TMEM132D: variants seen among roughly 807,000 people sequenced by gnomAD.
TMEM132D encodes the protein transmembrane protein 132D.
In TMEM132D, 21 loss-of-function variants were observed where a neutral mutation model predicts 62.3. The ratio of observed to expected loss-of-function variants is 0.34; its 90% CI spans 0.24 to 0.49. The LOEUF (loss-of-function observed/expected upper bound fraction) is 0.49. Among genes scored for constraint, TMEM132D ranks in the 20% least tolerant of loss-of-function variants. The probability of loss-of-function intolerance (pLI) is 0.99; values close to 1 mark genes in which losing one functional copy is unlikely to be tolerated. For synonymous variants in TMEM132D, 621 were observed against 575.6 expected (o/e 1.08, Z -1.13); for missense variants, 1,346 against 1,402.8 (o/e 0.96, Z 0.65).
chr12:129,760,381 G>A (rs956560152), intron 1 of TMEM132D, among the ~76,000 whole-genome samples: 3 of 133,740 alleles, frequency 2.2e-5, no homozygotes, highest in Admixed American at 8.7e-5. Flanking sequence ...GCCCAGGCTA[G>A]AGTGCAGTGG....
At chr12:129,796,331 AT>A (rs1456898056) in intron 1 of TMEM132D, among the ~76,000 whole-genome samples, 3 of 151,964 alleles carry the variant, frequency 2.0e-5, no homozygotes. Context: ...TTTTGTTTTT[AT>A]TTTTTAAAAA....
At chr12:129,283,278 G>T (rs921394683) in intron 4 of TMEM132D, among the ~76,000 whole-genome samples, 1 of 152,162 alleles carries the variant, frequency 6.6e-6, no homozygotes, top group African/African-American at 2.4e-5. Flanking sequence ...TGCAACCTCT[G>T]CCTCCCAGGT....
chr12:129,424,707 C>CAAAAAA (rs11385383), intron 3 of TMEM132D, among the ~76,000 whole-genome samples: 12 of 31,790 alleles, frequency 3.8e-4, no homozygotes, highest in Admixed American at 4.1e-4. Context: ...GACTCCATCT[C>CAAAAAA]AAAAAAAAAA....
At chr12:129,351,417 G>A (rs562297196) in intron 3 of TMEM132D, among the ~76,000 whole-genome samples, 4 of 152,246 alleles carry the variant, frequency 2.6e-5, no homozygotes, top group East Asian at 3.9e-4. Flanking sequence ...AATAATACAC[G>A]CCCTGGCCGT....
intron 3 of TMEM132D, among the ~76,000 whole-genome samples, chr12:129,351,413 A>G (rs1430538589): frequency 1.3e-5 from 2 of 152,158 alleles, no homozygotes; most frequent in Non-Finnish European, 2.9e-5. Flanking sequence ...TTTCAATAAT[A>G]CACGCCCTGG....
chr12:129,379,322 A>G lies in TMEM132D; in HGVS notation c.1116-41505T>C, dbSNP rs1870870994. On this transcript the variant is annotated intron_variant, in intron 3 of 8. Coordinates refer to ENST00000422113, the MANE Select transcript of TMEM132D (RefSeq NM_133448.3). ...GTGTTTACAGCAGTGCCTGTCTCCT[A>G]GGAGACAGCAACCACTAATGAACTA... 2.6e-5 allele frequency among the ~76,000 whole-genome samples: 4 copies of G among 152,196 alleles called. No homozygotes were observed. In the South Asian group the frequency reaches 6.2e-4, roughly 24 times the overall value.
chr12:129,441,668 C>A (rs1286438069), intron 3 of TMEM132D, among the ~76,000 whole-genome samples: 2 of 152,146 alleles, frequency 1.3e-5, no homozygotes, highest in African/African-American at 4.8e-5. Context: ...AGTTGTTCTA[C>A]CAAAAAGAGC....
At chr12:129,470,186 G>T (rs749868842) in intron 3 of TMEM132D, among the ~76,000 whole-genome samples, 2 of 152,196 alleles carry the variant, frequency 1.3e-5, no homozygotes, top group East Asian at 1.9e-4. Flanking sequence ...CTATAAAAGC[G>T]ATTTGTTTTG....
At chr12:129,555,835 T>C (rs1435919202) in intron 2 of TMEM132D, among the ~76,000 whole-genome samples, 2 of 152,226 alleles carry the variant, frequency 1.3e-5, no homozygotes, top group Admixed American at 6.5e-5. Context: ...AAAACCGTAA[T>C]TGCTTTTGCA....
intron 5 of TMEM132D, among the ~76,000 whole-genome samples, chr12:129,092,392 C>T (rs1305176298): frequency 6.7e-6 from 1 of 149,566 alleles, no homozygotes; most frequent in Non-Finnish European, 1.5e-5. Flanking sequence ...AGTAGACATC[C>T]TACAGGAATG....
intron 2 of TMEM132D, among the ~76,000 whole-genome samples, chr12:129,600,842 T>C (rs1245273187): frequency 6.6e-6 from 1 of 152,164 alleles, no homozygotes; most frequent in Non-Finnish European, 1.5e-5. Flanking sequence ...GTTCCATTTA[T>C]AGAACACAGG....
chr12:129,266,335 G>C (rs1880694579), intron 4 of TMEM132D, among the ~76,000 whole-genome samples: 1 of 151,900 alleles, frequency 6.6e-6, no homozygotes, highest in Non-Finnish European at 1.5e-5. Flanking sequence ...TCAGGACTTG[G>C]CTCTTTCCTT....
chr12:129,153,063 A>G (rs1047585150), intron 5 of TMEM132D, among the ~76,000 whole-genome samples: 18 of 152,198 alleles, frequency 1.2e-4, no homozygotes, highest in Admixed American at 2.0e-4. Flanking sequence ...GCTTCCTGCT[A>G]TGACTATCTC....
At chr12:129,898,714 A>G (rs1875231817) in intron 1 of TMEM132D, among the ~76,000 whole-genome samples, 1 of 152,198 alleles carries the variant, frequency 6.6e-6, no homozygotes, top group Non-Finnish European at 1.5e-5. Context: ...TGTGTAATTC[A>G]CATGTTCCCC....
intron 3 of TMEM132D, among the ~76,000 whole-genome samples, chr12:129,528,847 C>A (rs534396899): frequency 6.6e-6 from 1 of 152,222 alleles, no homozygotes; most frequent in South Asian, 2.1e-4. Flanking sequence ...AACTATAAGA[C>A]TTCCGTTCTA....
At chr12:129,835,214 G>A (rs1472350294) in intron 1 of TMEM132D, among the ~76,000 whole-genome samples, 1 of 152,092 alleles carries the variant, frequency 6.6e-6, no homozygotes, top group Non-Finnish European at 1.5e-5. Flanking sequence ...GCTTTGCTGG[G>A]GTTAATGACA....
intron 1 of TMEM132D, among the ~76,000 whole-genome samples, chr12:129,818,721 G>A (rs897964543): frequency 3.9e-5 from 6 of 151,908 alleles, no homozygotes; most frequent in Admixed American, 1.3e-4. Flanking sequence ...CACACAGACT[G>A]TGGCTGAATT....
chr12:129,722,734 CTTT>C (rs762354271), intron 1 of TMEM132D, among the ~76,000 whole-genome samples: 1 of 36,940 alleles, frequency 2.7e-5, no homozygotes, highest in Middle Eastern at 0.019. Context: ...GCTCCTTTTT[CTTT>C]TTTTCTTTTT....
In TMEM132D at chr12:129,800,445, G is replaced by A. The variant is rs1485540955; in HGVS notation, c.80-99747C>T. ...GCCAGGCCCTGGGCTAGATTCAGGT[G>A]CTCTGGAGATGAGAGTCCTAGCCCC... On this transcript the variant is annotated intron_variant, in intron 1 of 8. Transcript: ENST00000422113. 2.6e-5 allele frequency among the ~76,000 whole-genome samples: 4 copies of A among 151,986 alleles called. No homozygotes were observed. The East Asian group carries it at 5.8e-4, about 22-fold the overall frequency.
Sources: allele counts gnomAD v4.1 joint callset (sites outside exome capture counted in the v4.1 genomes callset), GRCh38; gene constraint gnomAD v4.1.1; transcripts MANE v1.5; gene names NCBI Gene and HGNC (gene_info 2026-07-23, HGNC 2026-07-21).